CNTN1: variants seen among roughly 807,000 people sequenced by gnomAD.
CNTN1 encodes the protein contactin-1.
A neutral mutation model predicts 126.4 loss-of-function variants in CNTN1; 38 were observed. That is an observed-to-expected ratio of 0.30 (90% CI 0.23 to 0.39). The LOEUF is 0.39. Ranked by LOEUF, CNTN1 falls within the 10% of genes least tolerant of loss-of-function variation. CNTN1 has a pLI of 1.00. For missense variants in CNTN1, 1,009 were observed against 1,248.4 expected, an observed-to-expected ratio of 0.81 and a Z score of 2.89; for synonymous variants, 413 against 422.6, an observed-to-expected ratio of 0.98 and a Z score of 0.28.
At chr12:40,992,828 T>C (rs1008558949) in intron 16 of CNTN1, among the ~76,000 whole-genome samples, 3 of 152,204 alleles carry the variant, frequency 2.0e-5, no homozygotes, top group African/African-American at 7.2e-5. Context: ...GTGCAGCTCA[T>C]GGACTAGCAC....
intron 1 of CNTN1, among the ~76,000 whole-genome samples, chr12:40,825,603 A>G (rs1941587515): frequency 6.6e-6 from 1 of 152,140 alleles, no homozygotes. Flanking sequence ...TTTCTCAGGC[A>G]TAGCCAGACT....
intron 6 of CNTN1, among the ~76,000 whole-genome samples, chr12:40,927,772 A>G (rs926142576): frequency 5.9e-5 from 9 of 152,168 alleles, no homozygotes; most frequent in East Asian, 1.9e-4. Flanking sequence ...GAGAATCTAC[A>G]TCGGGCATTC....
chr12:40,813,373 T>G (rs114520017), intron 1 of CNTN1, among the ~76,000 whole-genome samples: 1 of 151,804 alleles, frequency 6.6e-6, no homozygotes, highest in Non-Finnish European at 1.5e-5. Context: ...GGCCAGGGTA[T>G]GTGTTGTTCC....
chr12:40,897,223 T>C (rs1944443346), intron 1 of CNTN1, among the ~76,000 whole-genome samples: 1 of 152,158 alleles, frequency 6.6e-6, no homozygotes, highest in African/African-American at 2.4e-5. Flanking sequence ...AATTGACATT[T>C]GTATTGTTCA....
intron 1 of CNTN1, among the ~76,000 whole-genome samples, chr12:40,792,579 A>G (rs1184094960): frequency 2.6e-5 from 4 of 152,130 alleles, no homozygotes; most frequent in African/African-American, 4.8e-5. Context: ...GAAAGCCTTG[A>G]GGACACAGAC....
chr12:40,832,048 G>A (rs986436160), intron 1 of CNTN1, among the ~76,000 whole-genome samples: 1 of 152,168 alleles, frequency 6.6e-6, no homozygotes, highest in Non-Finnish European at 1.5e-5. Context: ...TGGATGGGTG[G>A]TGTAGTTGAG....
intron 1 of CNTN1, among the ~76,000 whole-genome samples, chr12:40,782,488 C>T (rs181946029): frequency 1.1e-3 from 174 of 151,996 alleles, no homozygotes; most frequent in South Asian, 9.3e-3. Flanking sequence ...ACATTTTAAT[C>T]TTCTAGTTAA....
chr12:40,961,833 A>G (rs1050333063), intron 15 of CNTN1, among the ~76,000 whole-genome samples: 3 of 152,116 alleles, frequency 2.0e-5, no homozygotes, highest in Admixed American at 2.0e-4. Flanking sequence ...TAGATTGTGA[A>G]TTGCTTTTAA....
intron 1 of CNTN1, among the ~76,000 whole-genome samples, chr12:40,720,980 A>AT (rs1384977523): frequency 6.9e-6 from 1 of 144,456 alleles, no homozygotes; most frequent in African/African-American, 2.5e-5. Context: ...TATATGTTAT[A>AT]ACATATATAC....
chr12:41,029,006 G>T, intron 22 of CNTN1, 57 bp from the exon 23 acceptor site: 3 of 1,506,250 alleles, frequency 2.0e-6, no homozygotes, highest in East Asian at 2.3e-5. Context: ...TTTAGTGTTA[G>T]AGCATTGGCT....
chr12:41,058,815 T>C (rs1949881700), intron 23 of CNTN1, among the ~76,000 whole-genome samples: 1 of 152,158 alleles, frequency 6.6e-6, no homozygotes, highest in Non-Finnish European at 1.5e-5. Flanking sequence ...AGAAATTTTT[T>C]AGACTAGTCA....
At chr12:40,949,569 C>CTTT (rs36070275) in intron 14 of CNTN1, among the ~76,000 whole-genome samples, 10 of 64,344 alleles carry the variant, frequency 1.6e-4, no homozygotes, top group African/African-American at 2.0e-4. Context: ...TCTTTTCTTT[C>CTTT]TTTTTTTTTT....
chr12:40,909,465 A>G (rs1303214492), intron 2 of CNTN1, among the ~76,000 whole-genome samples: 1 of 151,896 alleles, frequency 6.6e-6, no homozygotes, highest in African/African-American at 2.4e-5. Flanking sequence ...ATACTTGTTG[A>G]GTGACTGTTT....
At chr12:40,742,196 C>T (rs2136383098) in intron 1 of CNTN1, among the ~76,000 whole-genome samples, 1 of 152,158 alleles carries the variant, frequency 6.6e-6, no homozygotes, top group Middle Eastern at 3.4e-3. Context: ...TCCTACTGTT[C>T]AATGATAAAA....
intron 1 of CNTN1, among the ~76,000 whole-genome samples, chr12:40,720,414 G>C (rs1942169206): frequency 6.6e-6 from 1 of 151,070 alleles, no homozygotes; most frequent in African/African-American, 2.4e-5. Flanking sequence ...AAAGGGGTGT[G>C]TGTGTGTGTG....
chr12:40,918,851 G>A, intron 4 of CNTN1, 80 bp downstream of exon 4: 1 of 1,525,864 alleles, frequency 6.6e-7, no homozygotes, highest in Non-Finnish European at 9.1e-7. Context: ...TTGTACAGAT[G>A]TAATATAGTG....
intron 1 of CNTN1, among the ~76,000 whole-genome samples, chr12:40,702,507 C>A (rs1029990510): frequency 6.6e-6 from 1 of 152,030 alleles, no homozygotes; most frequent in Admixed American, 6.6e-5. Flanking sequence ...TGCAATGGTG[C>A]GATCTCGGCT....
intron 1 of CNTN1, among the ~76,000 whole-genome samples, chr12:40,819,563 G>A (rs73116780): frequency 0.022 from 3,409 of 152,298 alleles, 127 homozygotes; most frequent in African/African-American, 0.077. Flanking sequence ...CTGGAGCTAT[G>A]GAAATAGGTG....
At chr12:40,993,340 A>G (rs1566104888) in intron 17 of CNTN1, 71 bp downstream of exon 17, 1 of 1,299,324 alleles carries the variant, frequency 7.7e-7, no homozygotes, top group South Asian at 1.2e-5. Context: ...ATATGGTTGA[A>G]TGTATTTGAA....
Sources: allele counts gnomAD v4.1 joint callset (sites outside exome capture counted in the v4.1 genomes callset), GRCh38; gene constraint gnomAD v4.1.1; transcripts MANE v1.5; gene names NCBI Gene and HGNC (gene_info 2026-07-23, HGNC 2026-07-21).